PTPRT: variants seen among roughly 807,000 people sequenced by gnomAD.
The protein encoded by PTPRT is receptor-type tyrosine-protein phosphatase T.
Under a neutral mutation model 176.8 loss-of-function variants are expected in PTPRT, and 56 were observed. The observed-to-expected ratio is 0.32, with a 90% confidence interval of 0.26 to 0.40. PTPRT has a LOEUF of 0.40. Ranked by LOEUF, PTPRT falls within the 10% of genes least tolerant of loss-of-function variation. The pLI is 1.00. For synonymous variants in PTPRT, 783 were observed against 739.0 expected, an observed-to-expected ratio of 1.06 and a Z score of -0.96; for missense variants, 1,540 against 1,908.2, an observed-to-expected ratio of 0.81 and a Z score of 3.60.
chr20:42,276,280 G>T (rs2057028266), intron 13 of PTPRT, among the ~76,000 whole-genome samples: 1 of 151,496 alleles, frequency 6.6e-6, no homozygotes, highest in Non-Finnish European at 1.5e-5. Context: ...ACTGAAAAGT[G>T]AGGCCAACAT....
At chr20:42,809,646 TG>T (rs2145614025) in intron 2 of PTPRT, among the ~76,000 whole-genome samples, 1 of 152,276 alleles carries the variant, frequency 6.6e-6, no homozygotes, top group Non-Finnish European at 1.5e-5. Flanking sequence ...AATTCCTCTT[TG>T]CCTCTTGCAG....
intron 9 of PTPRT, among the ~76,000 whole-genome samples, chr20:42,364,303 T>C (rs1020610156): frequency 6.6e-6 from 1 of 152,148 alleles, no homozygotes; most frequent in Admixed American, 6.6e-5. Flanking sequence ...TCATTCAGCA[T>C]TTTTCTCATG....
At chr20:42,494,963 G>C (rs1033130030) in intron 7 of PTPRT, among the ~76,000 whole-genome samples, 2 of 152,138 alleles carry the variant, frequency 1.3e-5, no homozygotes, top group African/African-American at 4.8e-5. Context: ...GGGCACAAGT[G>C]AATCTCCCTC....
At chr20:42,814,822 C>T (rs578136989) in intron 2 of PTPRT, among the ~76,000 whole-genome samples, 1 of 152,118 alleles carries the variant, frequency 6.6e-6, no homozygotes, top group Non-Finnish European at 1.5e-5. Context: ...CAGAAGGCCC[C>T]TATTTTGCTG....
chr20:42,645,035 G>C (rs2074857515), intron 7 of PTPRT, among the ~76,000 whole-genome samples: 1 of 152,128 alleles, frequency 6.6e-6, no homozygotes, highest in African/African-American at 2.4e-5. Context: ...CCCCAAGTTA[G>C]TAAGTCTGTA....
rs566975898 is a variant in PTPRT at position 42,119,884 on chromosome 20, C to T, written c.2884+51G>A. The T allele has an allele frequency of 2.1e-5, 32 of 1,534,774 alleles. 1 individual carries two copies. The South Asian group carries it at 3.6e-4, about 17-fold the overall frequency. On this transcript the variant is annotated intron_variant, in intron 20 of 30. Coordinates refer to ENST00000373187, the MANE Select transcript of PTPRT (RefSeq NM_007050.6). ...CTTGCAGTTAAGAGAGCCCTTTCCC[C>T]TGGGACCCCTGAAGCCTCTCTGAGG...
intron 1 of PTPRT, among the ~76,000 whole-genome samples, chr20:43,066,588 C>T (rs1600687257): frequency 6.6e-6 from 1 of 152,188 alleles, no homozygotes. Flanking sequence ...TGTATTCCAA[C>T]CGAATTGCAC....
At chr20:42,324,140 T>TG (rs1392722562) in intron 11 of PTPRT, among the ~76,000 whole-genome samples, 2 of 152,320 alleles carry the variant, frequency 1.3e-5, no homozygotes, top group East Asian at 3.9e-4. Flanking sequence ...AATTGGTGAA[T>TG]GGGTAAACAA....
At chr20:42,573,067 C>T (rs2073187648) in intron 7 of PTPRT, among the ~76,000 whole-genome samples, 2 of 151,974 alleles carry the variant, frequency 1.3e-5, no homozygotes, top group Non-Finnish European at 2.9e-5. Context: ...AGCACCTTAG[C>T]TCAACAAATA....
At chr20:42,702,732 G>C (rs2075992713) in intron 6 of PTPRT, among the ~76,000 whole-genome samples, 2 of 152,194 alleles carry the variant, frequency 1.3e-5, no homozygotes, top group African/African-American at 4.8e-5. Context: ...GTGGGAAACA[G>C]AGGCCAAGAG....
chr20:43,111,184 T>C (rs1327927778), intron 1 of PTPRT, among the ~76,000 whole-genome samples: 1 of 150,702 alleles, frequency 6.6e-6, no homozygotes, highest in Non-Finnish European at 1.5e-5. Flanking sequence ...TACAAGGGGG[T>C]CCCCACACAA....
intron 9 of PTPRT, among the ~76,000 whole-genome samples, chr20:42,412,799 T>G (rs2059030454): frequency 6.6e-6 from 1 of 152,140 alleles, no homozygotes; most frequent in Non-Finnish European, 1.5e-5. Flanking sequence ...CTCAAAAAGC[T>G]GCATCCTGTG....
chr20:42,370,566 A>G (rs1322509263), intron 9 of PTPRT, among the ~76,000 whole-genome samples: 1 of 152,202 alleles, frequency 6.6e-6, no homozygotes, highest in African/African-American at 2.4e-5. Flanking sequence ...GACTTTGGGC[A>G]AGGTGCTTAG....
Position 42,771,541 on chromosome 20 carries a change from G to C in PTPRT, c.578C>G (p.Pro193Arg). ...RVLAHPCRKA[P>R]HFLRLQNVEV... ...CACGTTTTGGAGTCGCAGAAAATGAGGTGCTTTTCCTAAGAGAGAAACCAA... is the reference window on the plus strand; with the variant it reads ...CACGTTTTGGAGTCGCAGAAAATGACGTGCTTTTCCTAAGAGAGAAACCAA... The change falls in exon 5 of 31, where the codon CCT becomes CGT. Residue 193 changes from proline (P) to arginine (R), a missense_variant. By Grantham distance (103) the Pro-to-Arg change is moderately radical. Around this residue, in one of 11 missense-constraint regions of PTPRT, gnomAD observed 273 missense variants for 432.1 expected, o/e 0.63. Transcript: ENST00000373187. 6.2e-7 allele frequency: 1 copy of C among 1,613,890 alleles called. No individual in the cohort carries two copies. The highest frequency in any genetic ancestry group is 1.3e-5 in the African/African-American group (1 of 75,030).
At chr20:42,671,117 C>T (rs2075405372) in intron 7 of PTPRT, among the ~76,000 whole-genome samples, 1 of 152,148 alleles carries the variant, frequency 6.6e-6, no homozygotes, top group African/African-American at 2.4e-5. Context: ...TCTCTTGTCA[C>T]CTCACCTGCT....
chr20:42,482,737 G>A (rs1300899119), intron 7 of PTPRT, among the ~76,000 whole-genome samples: 1 of 152,134 alleles, frequency 6.6e-6, no homozygotes, highest in Non-Finnish European at 1.5e-5. Context: ...CTTGGCATCA[G>A]CTCCTTGATC....
Position 42,584,491 on chromosome 20 carries a change from C to A in PTPRT, c.1153+93375G>T, listed in dbSNP as rs6072801. On this transcript the variant is annotated intron_variant, in intron 7 of 30. Transcript: ENST00000373187. ...CTGGCTTCATGCAGGCCTTTGCATA[C>A]ATTTCAGTCAATCAGAGAGGTCTTC... 1.6e-3 allele frequency among the ~76,000 whole-genome samples: 241 copies of A among 152,232 alleles called. 1 individual carries two copies. The highest frequency in any genetic ancestry group is 2.5e-3 in the Non-Finnish European group (169 of 68,022).
At chr20:42,372,698 T>C (rs990494048) in intron 9 of PTPRT, among the ~76,000 whole-genome samples, 1 of 152,174 alleles carries the variant, frequency 6.6e-6, no homozygotes, top group Non-Finnish European at 1.5e-5. Flanking sequence ...AAAGATAATA[T>C]TAAAAGGTGG....
At chr20:42,857,881 CT>C (rs2078592838) in intron 2 of PTPRT, among the ~76,000 whole-genome samples, 1 of 152,204 alleles carries the variant, frequency 6.6e-6, no homozygotes, top group African/African-American at 2.4e-5. Context: ...TGCGGGACCC[CT>C]ATTCCCTCTA....
Sources: allele counts gnomAD v4.1 joint callset (sites outside exome capture counted in the v4.1 genomes callset), GRCh38; gene constraint gnomAD v4.1.1; regional missense constraint gnomAD v4.1.1; transcripts MANE v1.5; gene names NCBI Gene and HGNC (gene_info 2026-07-23, HGNC 2026-07-21).